RTN3: variants seen among roughly 807,000 people sequenced by gnomAD.
The protein encoded by RTN3 is reticulon 3.
In RTN3, 49 loss-of-function variants were observed where a neutral mutation model predicts 77.8. That is an observed-to-expected ratio of 0.63 (90% confidence interval 0.50 to 0.80). The LOEUF (loss-of-function observed/expected upper bound fraction) is 0.80. Ranked by LOEUF, RTN3 falls within the 30% of genes least tolerant of loss-of-function variation. RTN3 has a pLI of 0.00. For missense variants in RTN3, 1,236 were observed against 1,211.9 expected, an observed-to-expected ratio of 1.02 and a Z score of -0.29; for synonymous variants, 464 against 446.9, an observed-to-expected ratio of 1.04 and a Z score of -0.48.
intron 2 of RTN3, among the ~76,000 whole-genome samples, chr11:63,717,620 C>T (rs182315187): frequency 1.6e-3 from 246 of 151,766 alleles, no homozygotes; most frequent in African/African-American, 5.3e-3. Context: ...GAACTCCTGA[C>T]CTCAGGTGAG....
At position 63,720,914 on chromosome 11, in the gene RTN3, G is replaced by A; in HGVS notation, c.2412G>A (p.Gly804=). 1 of 1,614,056 alleles carries A rather than the reference G, an allele frequency of 6.2e-7. No individual in the cohort carries two copies. The highest frequency in any genetic ancestry group is 2.2e-5 in the East Asian group (1 of 44,888). ...ATGTCAAGAATGGATCTGATCTTGG[G>A]ATTTCCCAGAAGCCCATCACTATCA... is the stretch of plus-strand genomic sequence containing the variant. ...ERNVKNGSDL[G]ISQKPITIRE... The change falls in exon 3 of 9, where the codon GGG becomes GGA. Residue 804 remains glycine, a synonymous_variant. Transcript: ENST00000377819.
intron 5 of RTN3, 23 bp downstream of exon 5, chr11:63,752,668 G>A (rs775292299): frequency 6.2e-7 from 1 of 1,610,512 alleles, no homozygotes; most frequent in African/African-American, 1.3e-5. Context: ...TGCAGCTCTT[G>A]GTGGTAAAAC....
In RTN3 at chr11:63,719,504, CTT is replaced by C. The variant is rs777533908; in HGVS notation, c.1004_1005del (p.Phe335TyrfsTer2). The C allele has an allele frequency of 6.2e-7, 1 of 1,614,170 alleles. No homozygotes were observed. The highest frequency in any genetic ancestry group is 1.3e-5 in the African/African-American group (1 of 75,050). On this transcript the variant is annotated frameshift_variant, in exon 3 of 9. Transcript: ENST00000377819. LOFTEE classifies it high-confidence loss of function. ...VSRCVNDMHN[F>X]TNEILTWDLV... is the part of the protein sequence containing the mutation. ...CCAGATGCGTGAATGATATGCATAA[CTT>C]TACTAACGAAATACTGACTTGGGAT...
intron 4 of RTN3, among the ~76,000 whole-genome samples, chr11:63,752,236 T>C (rs2014144871): frequency 6.6e-6 from 1 of 152,096 alleles, no homozygotes; most frequent in African/African-American, 2.4e-5. Context: ...GGATTTACCT[T>C]CATGAATATC....
At chr11:63,724,715 A>G (rs1384794447) in intron 3 of RTN3, among the ~76,000 whole-genome samples, 1 of 143,654 alleles carries the variant, frequency 7.0e-6, no homozygotes, top group African/African-American at 2.6e-5. Flanking sequence ...CTGGTCTCGA[A>G]CTCCTGACCT....
intron 3 of RTN3, among the ~76,000 whole-genome samples, chr11:63,726,344 C>T (rs986233808): frequency 1.3e-5 from 2 of 152,156 alleles, no homozygotes; most frequent in African/African-American, 4.8e-5. Context: ...GGGCACCTGA[C>T]AGGCTGGCTT....
At chr11:63,735,552 C>T (rs1024173544) in intron 3 of RTN3, among the ~76,000 whole-genome samples, 1 of 111,846 alleles carries the variant, frequency 8.9e-6, no homozygotes, top group African/African-American at 3.9e-5. Context: ...TCTAACATTT[C>T]TCTCTCTCTC....
At chr11:63,701,583 T>C (rs539474976) in intron 1 of RTN3, among the ~76,000 whole-genome samples, 10 of 152,046 alleles carry the variant, frequency 6.6e-5, no homozygotes, top group Admixed American at 1.3e-4. Flanking sequence ...CTTCCAATCA[T>C]GCAGAAGACA....
In RTN3 at chr11:63,719,694, A is replaced by G; in HGVS notation, c.1192A>G (p.Ile398Val). Residue 398 changes from isoleucine to valine, a missense_variant, in exon 3 of 9, where the codon ATC (isoleucine) becomes GTC (valine). Transcript: ENST00000377819. The part of the protein sequence containing the change: ...PVCSIDGSTP[I>V]TKSTGDWAEA... ...ATGTTCTATTGATGGGAGCACTCCC[A>G]TCACTAAATCAACAGGTGATTGGGC... 4 of 1,614,188 alleles carry G rather than the reference A, an allele frequency of 2.5e-6. No individual in the cohort carries two copies. The highest frequency in any genetic ancestry group is 2.2e-5 in the South Asian group (2 of 91,080).
intron 3 of RTN3, among the ~76,000 whole-genome samples, chr11:63,731,876 C>T (rs186293907): frequency 8.8e-4 from 134 of 152,266 alleles, no homozygotes; most frequent in Non-Finnish European, 1.6e-3. Context: ...TGGTCTCGAT[C>T]TCTTGACCTT....
chr11:63,749,410 A>G (rs924577544), intron 3 of RTN3, among the ~76,000 whole-genome samples: 2 of 152,122 alleles, frequency 1.3e-5, no homozygotes, highest in Admixed American at 6.5e-5. Flanking sequence ...TGCTTGGTCT[A>G]TTTTTATTTA....
In RTN3 at chr11:63,756,155, A is replaced by C; in HGVS notation, c.3038A>C (p.Lys1013Thr). The change falls in exon 8 of 9, where the codon AAG (lysine) becomes ACG (threonine). Residue 1013 changes from lysine (K) to threonine (T), a missense_variant. Around this residue, in one of 3 missense-constraint regions of RTN3, gnomAD observed 141 missense variants for 154.9 expected, o/e 0.91. Transcript: ENST00000377819. ...GTTGGCATCGCCCGAGATCAGACCA[A>C]GTCAATTGTTGAAAAGTAAGTACAT... is the stretch of plus-strand genomic sequence containing the variant. Reference protein sequence around the residue: ...HYVGIARDQTKSIVEKIQAKL... With the variant: ...HYVGIARDQTTSIVEKIQAKL... 1 of 1,612,802 alleles carries C rather than the reference A, an allele frequency of 6.2e-7. No homozygotes were observed. The highest frequency in any genetic ancestry group is 8.5e-7 in the Non-Finnish European group (1 of 1,178,780).
At chr11:63,706,296 C>A (rs1590809302) in intron 2 of RTN3, among the ~76,000 whole-genome samples, 4 of 152,064 alleles carry the variant, frequency 2.6e-5, no homozygotes. Context: ...TTCAAGCGAT[C>A]CCCCCACCTC....
chr11:63,758,359 C>A lies in RTN3; in HGVS notation c.*158C>A. ...TTTTCTCCCATCCTTTCCCTTTAAC[C>A]CTCAGTATCAAGCACAAAAATTGAT... On this transcript the variant is annotated 3_prime_UTR_variant, in exon 9 of 9. Transcript: ENST00000377819. The A allele has an allele frequency of 1.2e-6, 2 of 1,601,780 alleles. No individual in the cohort carries two copies. The highest frequency in any genetic ancestry group is 4.5e-5 in the East Asian group (2 of 44,802).
At chr11:63,713,312 A>G (rs1224575107) in intron 2 of RTN3, among the ~76,000 whole-genome samples, 2 of 152,060 alleles carry the variant, frequency 1.3e-5, no homozygotes, top group Non-Finnish European at 2.9e-5. Context: ...CTTACCATAT[A>G]TCGATTCTCA....
At chr11:63,736,969 A>G (rs1439153140) in intron 3 of RTN3, among the ~76,000 whole-genome samples, 1 of 150,408 alleles carries the variant, frequency 6.6e-6, no homozygotes, top group African/African-American at 2.4e-5. Flanking sequence ...GCTATCATAG[A>G]ATCCTTTTTT....
At chr11:63,696,591 G>A (rs1448367351) in intron 1 of RTN3, among the ~76,000 whole-genome samples, 9 of 130,226 alleles carry the variant, frequency 6.9e-5, no homozygotes, top group South Asian at 2.6e-4. Context: ...TGTTGCCCAC[G>A]TTGGAGTACA....
At position 63,758,172 on chromosome 11, in the gene RTN3, C is replaced by T. The variant is rs1383667967; in HGVS notation, c.3070C>T (p.Pro1024Ser). The change falls in exon 9 of 9, where the codon CCT becomes TCT. Residue 1024 changes from proline (P) to serine (S), a missense_variant. Coordinates refer to ENST00000377819, the MANE Select transcript of RTN3 (RefSeq NM_001265589.2). ...SIVEKIQAKL[P>S]GIAKKKAE ...TCTCAATAGGATCCAAGCAAAACTC[C>T]CTGGAATCGCCAAAAAAAAGGCAGA... 1.2e-6 allele frequency: 2 copies of T among 1,608,358 alleles called. No homozygotes were observed. Among genetic ancestry groups the T allele is most frequent in the African/African-American group, 1.3e-5 (1 of 74,708 alleles).
chr11:63,686,542 T>A (rs188848376), intron 1 of RTN3, among the ~76,000 whole-genome samples: 210 of 151,758 alleles, frequency 1.4e-3, no homozygotes, highest in African/African-American at 5.0e-3. Context: ...TTATGAAAGT[T>A]GGCTGAGTCT....
Sources: allele counts gnomAD v4.1 joint callset (sites outside exome capture counted in the v4.1 genomes callset), GRCh38; gene constraint gnomAD v4.1.1; regional missense constraint gnomAD v4.1.1; transcripts MANE v1.5; gene names NCBI Gene and HGNC (gene_info 2026-07-23, HGNC 2026-07-21).